The following CAMKMT variants were observed in gnomAD, a reference collection of about 807,000 sequenced individuals.
CAMKMT encodes the protein calmodulin-lysine N-methyltransferase.
In CAMKMT, 53 loss-of-function variants were observed where a neutral mutation model predicts 48.0. The ratio of observed to expected loss-of-function variants is 1.10; its 90% CI spans 0.89 to 1.39. The LOEUF (loss-of-function observed/expected upper bound fraction) is 1.39, where lower values mean the gene tolerates loss of function less well. Among genes scored for constraint, CAMKMT ranks in the 40% most tolerant of loss-of-function variants. CAMKMT has a pLI of 0.00. For synonymous variants in CAMKMT, 165 were observed against 152.3 expected, an observed-to-expected ratio of 1.08 and a Z score of -0.61; for missense variants, 428 against 402.7, an observed-to-expected ratio of 1.06 and a Z score of -0.54.
intron 9 of CAMKMT, among the ~76,000 whole-genome samples, chr2:44,761,594 G>C (rs1680620608): frequency 6.6e-6 from 1 of 152,120 alleles, no homozygotes; most frequent in Non-Finnish European, 1.5e-5. Context: ...ATCCCTCCAG[G>C]CCACCCCTGA....
At chr2:44,626,165 C>G (rs373195199) in intron 3 of CAMKMT, among the ~76,000 whole-genome samples, 2 of 152,160 alleles carry the variant, frequency 1.3e-5, no homozygotes, top group African/African-American at 4.8e-5. Flanking sequence ...AATGATATCT[C>G]ACTCCATTTA....
intron 3 of CAMKMT, among the ~76,000 whole-genome samples, chr2:44,562,663 C>G (rs1362554915): frequency 6.6e-6 from 1 of 152,132 alleles, no homozygotes; most frequent in South Asian, 2.1e-4. Flanking sequence ...TGGGTTCAAG[C>G]AATTCTTCTG....
intron 3 of CAMKMT, among the ~76,000 whole-genome samples, chr2:44,632,815 C>T (rs1672911560): frequency 6.6e-6 from 1 of 152,232 alleles, no homozygotes; most frequent in South Asian, 2.1e-4. Context: ...GCCTAGCCTC[C>T]CAGCCTACAT....
intron 3 of CAMKMT, among the ~76,000 whole-genome samples, chr2:44,682,966 G>T (rs949039265): frequency 2.0e-5 from 3 of 152,218 alleles, no homozygotes; most frequent in African/African-American, 7.2e-5. Flanking sequence ...TAATGACCGT[G>T]TAGATGATAA....
chr2:44,379,670 A>T (rs1680045635), intron 2 of CAMKMT, among the ~76,000 whole-genome samples: 1 of 151,836 alleles, frequency 6.6e-6, no homozygotes, highest in Non-Finnish European at 1.5e-5. Context: ...CTATTGTCTA[A>T]TGATGTTGAG....
At chr2:44,412,043 G>T (rs985041033) in intron 3 of CAMKMT, among the ~76,000 whole-genome samples, 1 of 111,346 alleles carries the variant, frequency 9.0e-6, no homozygotes. Flanking sequence ...TGAATCCTCC[G>T]TAATTCTTCA....
intron 9 of CAMKMT, among the ~76,000 whole-genome samples, chr2:44,759,965 T>G (rs982930028): frequency 1.3e-5 from 2 of 152,236 alleles, no homozygotes; most frequent in African/African-American, 4.8e-5. Flanking sequence ...GCCTTAGTAT[T>G]GGACTCTGTC....
chr2:44,521,790 G>A (rs1572705776), intron 3 of CAMKMT, among the ~76,000 whole-genome samples: 1 of 152,154 alleles, frequency 6.6e-6, no homozygotes, highest in Non-Finnish European at 1.5e-5. Flanking sequence ...AGGAATTTGA[G>A]GCTGCAGAAT....
intron 3 of CAMKMT, among the ~76,000 whole-genome samples, chr2:44,394,226 G>A (rs1487092079): frequency 6.6e-6 from 1 of 151,988 alleles, no homozygotes; most frequent in Non-Finnish European, 1.5e-5. Flanking sequence ...AAATGTTGCA[G>A]CTTAAGTCTG....
intron 3 of CAMKMT, among the ~76,000 whole-genome samples, chr2:44,478,149 A>G (rs1668783655): frequency 6.6e-6 from 1 of 152,264 alleles, no homozygotes; most frequent in Non-Finnish European, 1.5e-5. Flanking sequence ...TTTCTAAAGA[A>G]ACATGATAAA....
chr2:44,398,253 C>G (rs892671932), intron 3 of CAMKMT, among the ~76,000 whole-genome samples: 6 of 152,170 alleles, frequency 3.9e-5, no homozygotes, highest in African/African-American at 1.4e-4. Context: ...TTCTTAAAGG[C>G]TACATTTCTC....
chr2:44,679,673 G>T (rs1675909853), intron 3 of CAMKMT, among the ~76,000 whole-genome samples: 1 of 152,176 alleles, frequency 6.6e-6, no homozygotes, highest in Non-Finnish European at 1.5e-5. Flanking sequence ...AAATATTCCA[G>T]CCTTCATTGC....
intron 3 of CAMKMT, among the ~76,000 whole-genome samples, chr2:44,702,339 A>G (rs994375120): frequency 6.6e-6 from 1 of 152,172 alleles, no homozygotes; most frequent in Admixed American, 6.6e-5. Flanking sequence ...GGTTATTGGG[A>G]TACGAATTTT....
intron 3 of CAMKMT, among the ~76,000 whole-genome samples, chr2:44,423,474 G>A (rs987645542): frequency 5.3e-5 from 8 of 152,134 alleles, no homozygotes; most frequent in East Asian, 1.9e-4. Context: ...ATGAGCCATC[G>A]CGCTGGGCCA....
Position 44,732,075 on chromosome 2 carries a change from C to G in CAMKMT, c.624-11547C>G, listed in dbSNP as rs545661047. Among the ~76,000 whole-genome samples, 28 of 152,306 alleles carry G rather than the reference C, an allele frequency of 1.8e-4. No homozygotes were observed. In the East Asian group the frequency reaches 5.2e-3, roughly 28 times the overall value. On this transcript the variant is annotated intron_variant, in intron 7 of 10. Coordinates refer to ENST00000378494, the MANE Select transcript of CAMKMT (RefSeq NM_024766.5). ...CAAGTGATCCTCCTGTCTCAGACTC[C>G]TGAGTAGCTAGGACAACAGGTACAT...
At chr2:44,733,378 T>G (rs1157719581) in intron 7 of CAMKMT, among the ~76,000 whole-genome samples, 1 of 152,214 alleles carries the variant, frequency 6.6e-6, no homozygotes, top group Non-Finnish European at 1.5e-5. Flanking sequence ...TCTTGTACAT[T>G]GATCTTGTAT....
chr2:44,770,843 T>C (rs1381454163), intron 10 of CAMKMT, among the ~76,000 whole-genome samples: 1 of 152,248 alleles, frequency 6.6e-6, no homozygotes, highest in Non-Finnish European at 1.5e-5. Context: ...AAATCATCTG[T>C]ACACAGAACA....
rs1317271495 is a variant in CAMKMT, at chr2:44,657,722, G to A, written c.377-46561G>A. Among the ~76,000 whole-genome samples the A allele has an allele frequency of 1.3e-5, 2 of 152,112 alleles. No individual in the cohort carries two copies. The highest frequency in any genetic ancestry group is 4.8e-5 in the African/African-American group (2 of 41,422). The stretch of plus-strand genomic sequence containing the variant: ...TTGCCAGGTACATGCTTACTACTTT[G>A]TAGATTTTTAGGACCAAAAAAAGCT... On this transcript the variant is annotated intron_variant, in intron 3 of 10. Transcript: ENST00000378494. This position sits in a 1 kb window ranked among gnomAD's most constrained non-coding sequence, Gnocchi z 4.3.
chr2:44,716,778 G>C (rs1678196787), intron 7 of CAMKMT, among the ~76,000 whole-genome samples: 1 of 152,152 alleles, frequency 6.6e-6, no homozygotes, highest in South Asian at 2.1e-4. Flanking sequence ...CATTTTCTAT[G>C]TTGTCCTCAT....
Sources: allele counts gnomAD v4.1 joint callset (sites outside exome capture counted in the v4.1 genomes callset), GRCh38; gene constraint gnomAD v4.1.1; non-coding constraint Gnocchi (gnomAD v3.1); transcripts MANE v1.5; gene names NCBI Gene and HGNC (gene_info 2026-07-23, HGNC 2026-07-21).